Variants in SORCS2 observed in about 807,000 individuals in gnomAD.
The protein encoded by SORCS2 is VPS10 domain-containing receptor SorCS2.
Under a neutral mutation model 141.6 loss-of-function variants are expected in SORCS2, and 100 were observed. That is an observed-to-expected ratio of 0.71 (90% CI 0.60 to 0.83). The LOEUF (loss-of-function observed/expected upper bound fraction) is 0.83. SORCS2 is among the 40% of genes least tolerant of loss of function. The pLI, the probability that SORCS2 is intolerant of heterozygous loss-of-function variation, is 0.00. For synonymous variants in SORCS2, 789 were observed against 676.9 expected (o/e 1.17, Z -2.57); for missense variants, 1,646 against 1,560.2 (o/e 1.05, Z -0.93).
chr4:7,641,830 A>G (rs369566613), intron 4 of SORCS2, among the ~76,000 whole-genome samples: 4 of 34,110 alleles, frequency 1.2e-4, no homozygotes, highest in East Asian at 8.2e-3. Flanking sequence ...GGGTGGATGG[A>G]TGGATGGGTG....
At chr4:7,234,689 A>G (rs1712139334) in intron 1 of SORCS2, among the ~76,000 whole-genome samples, 1 of 152,214 alleles carries the variant, frequency 6.6e-6, no homozygotes, top group South Asian at 2.1e-4. Context: ...CCAGCAGCTC[A>G]CGTAGGCTTC....
Position 7,342,018 on chromosome 4 carries a change from T to C in SORCS2, c.481-54270T>C, listed in dbSNP as rs1204430572. 3.9e-5 allele frequency among the ~76,000 whole-genome samples: 6 copies of C among 152,242 alleles called. No individual in the cohort carries two copies. In the East Asian group the frequency reaches 1.2e-3, roughly 29 times the overall value. On this transcript the variant is annotated intron_variant, in intron 1 of 26. Coordinates refer to ENST00000507866, the MANE Select transcript of SORCS2 (RefSeq NM_020777.3). ...TTCAAGGTCCAGTCACGTCATACCA[T>C]GTGTCAATACCCCATTCCTTTTTCA...
At chr4:7,393,553 G>A (rs1288109288) in intron 1 of SORCS2, among the ~76,000 whole-genome samples, 1 of 152,202 alleles carries the variant, frequency 6.6e-6, no homozygotes, top group Non-Finnish European at 1.5e-5. Context: ...CGCTTGCTGA[G>A]TGTGTAGTTT....
intron 14 of SORCS2, among the ~76,000 whole-genome samples, chr4:7,709,992 C>A (rs1725719233): frequency 6.6e-6 from 1 of 152,184 alleles, no homozygotes; most frequent in African/African-American, 2.4e-5. Context: ...TTTCCTAAGA[C>A]CCAGAATTAA....
intron 3 of SORCS2, among the ~76,000 whole-genome samples, chr4:7,534,490 G>C (rs191661888): frequency 6.6e-6 from 1 of 152,240 alleles, no homozygotes; most frequent in Admixed American, 6.5e-5. Context: ...CCCCTGGAAC[G>C]TGTGAATGTC....
intron 2 of SORCS2, among the ~76,000 whole-genome samples, chr4:7,480,436 CG>C (rs36025445): frequency 0.075 from 11,391 of 152,190 alleles, 684 homozygotes; most frequent in South Asian, 0.25. Context: ...AAATACAGCC[CG>C]GGGGGTTGGA....
Position 7,604,511 on chromosome 4 carries a change from G to T in SORCS2, c.649-33817G>T, listed in dbSNP as rs534693890. Reference sequence around the variant, plus strand: ...TTTTTGTATTTTTAGTAGAGACGGGGTTTCACTGTGTTAGCCAGGATGGTC... The same window carrying T: ...TTTTTGTATTTTTAGTAGAGACGGGTTTTCACTGTGTTAGCCAGGATGGTC... On this transcript the variant is annotated intron_variant, in intron 3 of 26. Coordinates refer to ENST00000507866, the MANE Select transcript of SORCS2 (RefSeq NM_020777.3). Among the ~76,000 whole-genome samples, 5 of 152,296 alleles carry T rather than the reference G, an allele frequency of 3.3e-5. No homozygotes were observed. In the East Asian group the frequency reaches 9.7e-4, roughly 29 times the overall value.
chr4:7,271,952 G>A (rs1715166372), intron 1 of SORCS2, among the ~76,000 whole-genome samples: 1 of 152,212 alleles, frequency 6.6e-6, no homozygotes, highest in Admixed American at 6.5e-5. Flanking sequence ...CTCAGCCAGG[G>A]GCAGCAGGGA....
rs567315145 is a variant in SORCS2, at chr4:7,294,651, C to A, written c.480+101525C>A. On this transcript the variant is annotated intron_variant, in intron 1 of 26. Transcript: ENST00000507866. Reference sequence around the variant, plus strand: ...TCCTCCTAGTTCACCTTTCCTCCCCCTCTCCCTCTTCCTCTCCCTCCTCCT... The same window carrying A: ...TCCTCCTAGTTCACCTTTCCTCCCCATCTCCCTCTTCCTCTCCCTCCTCCT... Among the ~76,000 whole-genome samples, 86 of 144,162 alleles carry A rather than the reference C, an allele frequency of 6.0e-4. 1 individual carries two copies. Among genetic ancestry groups the A allele is most frequent in the African/African-American group, 2.0e-3 (78 of 38,488 alleles). 94.6% of individuals were successfully genotyped at this position (144,162 alleles called of 152,430 possible). A position where few individuals can be genotyped will look rare whatever the true frequency, so the allele number is the denominator to read the frequency against.
intron 1 of SORCS2, among the ~76,000 whole-genome samples, chr4:7,343,841 G>C (rs993177122): frequency 6.6e-6 from 1 of 152,198 alleles, no homozygotes; most frequent in Non-Finnish European, 1.5e-5. Context: ...TCTGCTCCAC[G>C]AGGAAGGTTG....
At chr4:7,572,436 A>AT (rs965476424) in intron 3 of SORCS2, among the ~76,000 whole-genome samples, 34 of 152,072 alleles carry the variant, frequency 2.2e-4, no homozygotes, top group Non-Finnish European at 1.5e-5. Flanking sequence ...CTTTACGTGA[A>AT]TTTTTTTTGG....
In SORCS2 at chr4:7,641,970, G is replaced by GGGTGGAT. The variant is rs1289872388; in HGVS notation, c.813+3488_813+3494dup. Among the ~76,000 whole-genome samples the GGGTGGAT allele has an allele frequency of 2.0e-5, 3 of 150,718 alleles. No individual in the cohort carries two copies. In the East Asian group the frequency reaches 6.0e-4, roughly 30 times the overall value. On this transcript the variant is annotated intron_variant, in intron 4 of 26. Transcript: ENST00000507866. ...ATGAATGGATGGATGGTAGATGGAT[G>GGGTGGAT]GGTGGATGGTGGATGGATGAATGGG...
chr4:7,637,922 C>A (rs550424515), intron 3 of SORCS2, among the ~76,000 whole-genome samples: 2 of 151,602 alleles, frequency 1.3e-5, no homozygotes, highest in African/African-American at 4.8e-5. Context: ...CATTTCTGGG[C>A]ACCCCTCCCT....
intron 2 of SORCS2, among the ~76,000 whole-genome samples, chr4:7,529,554 C>A (rs1263428470): frequency 6.6e-6 from 1 of 152,068 alleles, no homozygotes. Context: ...TGGGCTAAGG[C>A]GAGCAGAGCT....
At chr4:7,352,138 G>A (rs961449423) in intron 1 of SORCS2, among the ~76,000 whole-genome samples, 1 of 152,200 alleles carries the variant, frequency 6.6e-6, no homozygotes, top group African/African-American at 2.4e-5. Flanking sequence ...AGAAGCCTCT[G>A]TGTATCCATC....
In SORCS2 at chr4:7,419,169, C is replaced by A. The variant is rs186044828; in HGVS notation, c.548+22814C>A. On this transcript the variant is annotated intron_variant, in intron 2 of 26. Coordinates refer to ENST00000507866, the MANE Select transcript of SORCS2 (RefSeq NM_020777.3). ...GTGGATACAGGGAGGGGATGAATTG[C>A]AGCCATTTTTTTCAACAGAGGTATT... 1.2e-4 allele frequency among the ~76,000 whole-genome samples: 19 copies of A among 152,256 alleles called. 1 individual carries two copies. The East Asian group carries it at 3.3e-3, about 26-fold the overall frequency.
At chr4:7,512,040 G>A (rs927385743) in intron 2 of SORCS2, among the ~76,000 whole-genome samples, 2 of 152,218 alleles carry the variant, frequency 1.3e-5, no homozygotes, top group East Asian at 3.9e-4. Flanking sequence ...TACACAGACA[G>A]CACACTGGTG....
chr4:7,327,772 C>T (rs1577403802), intron 1 of SORCS2, among the ~76,000 whole-genome samples: 1 of 152,192 alleles, frequency 6.6e-6, no homozygotes, highest in Non-Finnish European at 1.5e-5. Context: ...TTTTCCCTTC[C>T]TGAGTGCATG....
chr4:7,717,005 G>C (rs1369074252), intron 17 of SORCS2, among the ~76,000 whole-genome samples: 1 of 152,230 alleles, frequency 6.6e-6, no homozygotes, highest in Non-Finnish European at 1.5e-5. Context: ...AGGGCAAGAG[G>C]GGGGATCAGC....
Sources: allele counts gnomAD v4.1 joint callset (sites outside exome capture counted in the v4.1 genomes callset), GRCh38; gene constraint gnomAD v4.1.1; transcripts MANE v1.5; gene names NCBI Gene and HGNC (gene_info 2026-07-23, HGNC 2026-07-21).